HOXB3: variants seen among roughly 807,000 people sequenced by gnomAD.
The protein encoded by HOXB3 is homeobox protein Hox-B3.
HOXB3 carries 17 observed loss-of-function variants against 29.2 expected under a neutral mutation model. The observed-to-expected ratio is 0.58, with a 90% CI of 0.40 to 0.87. HOXB3 has a LOEUF of 0.87. HOXB3 is among the 40% of genes least tolerant of loss of function. The probability of loss-of-function intolerance (pLI) is 0.00; values close to 1 mark genes in which losing one functional copy is unlikely to be tolerated. For synonymous variants in HOXB3, 317 were observed against 285.9 expected (o/e 1.11, Z -1.10); for missense variants, 637 against 616.3 (o/e 1.03, Z -0.35).
At chr17:48,551,939 G>C in intron 4 of HOXB3, 88 bp downstream of exon 4, 1 of 1,283,548 alleles carries the variant, frequency 7.8e-7, no homozygotes, top group Non-Finnish European at 1.1e-6. Context: ...AGGCAGCCTC[G>C]CGGGCGCCTA....
intron 2 of HOXB3, among the ~76,000 whole-genome samples, chr17:48,561,479 C>T (rs2069196448): frequency 6.6e-6 from 1 of 152,258 alleles, no homozygotes; most frequent in Non-Finnish European, 1.5e-5. Context: ...TAAGCATCCA[C>T]TGCTCTGGGT....
chr17:48,551,299 G>A lies in HOXB3; in HGVS notation c.449-118C>T, dbSNP rs903649508. On this transcript the variant is annotated intron_variant, in intron 4 of 4. Transcript: ENST00000498678. ...ATCCAGGCCTGGACTCAGAGCCCCC[G>A]CCGCCCTCCCCTTCGGGTCCCCGCC... 6 of 1,187,154 alleles carry A rather than the reference G, an allele frequency of 5.1e-6. No individual in the cohort carries two copies. In the East Asian group the frequency reaches 1.9e-4, roughly 38 times the overall value. The allele number at this position is 1,187,154 out of a possible 1,614,324, so 73.5% of individuals were successfully genotyped here.
chr17:48,560,933 C>T (rs2069171665), intron 2 of HOXB3, among the ~76,000 whole-genome samples: 1 of 152,152 alleles, frequency 6.6e-6, no homozygotes, highest in African/African-American at 2.4e-5. Context: ...AAAAACCACA[C>T]TCTGTTGGGA....
chr17:48,578,266 A>T (rs1446915900), intron 1 of HOXB3: 1 of 1,613,938 alleles, frequency 6.2e-7, no homozygotes, highest in Middle Eastern at 1.6e-4. Flanking sequence ...CCTCGCATGG[A>T]GGGAACTTGG....
At chr17:48,578,055 G>C in intron 1 of HOXB3, 1 of 921,732 alleles carries the variant, frequency 1.1e-6, no homozygotes, top group Non-Finnish European at 1.4e-6. Context: ...CGAGGGGACA[G>C]ACCGGGCGGT....
rs971446708 is a variant in HOXB3 at position 48,554,517 on chromosome 17, G to T, written c.-159+1014C>A. ...GGAAAGAATGGAGACTCCGCCGGTG[G>T]TGCAGACAGGGCTGGGAAGGTTTGT... On this transcript the variant is annotated intron_variant, in intron 3 of 4. Coordinates refer to ENST00000498678, the MANE Select transcript of HOXB3 (RefSeq NM_001384749.1). This position sits in a 1 kb window ranked among gnomAD's most constrained non-coding sequence, Gnocchi z 4.1. 6.2e-6 allele frequency: 4 copies of T among 649,796 alleles called. No homozygotes were observed. Among genetic ancestry groups the T allele is most frequent in the Middle Eastern group, 4.0e-4 (1 of 2,510 alleles). The allele number at this position is 649,796 out of a possible 1,614,324, so 40.3% of individuals were successfully genotyped here. A position where few individuals can be genotyped will look rare whatever the true frequency, so the allele number is the denominator to read the frequency against.
chr17:48,584,490 C>T (rs1458534812), intron 1 of HOXB3, among the ~76,000 whole-genome samples: 1 of 152,174 alleles, frequency 6.6e-6, no homozygotes, highest in African/African-American at 2.4e-5. Flanking sequence ...AGTAGTTTGA[C>T]CCCTTTAGGG....
intron 2 of HOXB3, among the ~76,000 whole-genome samples, chr17:48,571,220 C>T (rs2069574975): frequency 6.6e-6 from 1 of 152,206 alleles, no homozygotes; most frequent in Non-Finnish European, 1.5e-5. Context: ...AATCTGAACG[C>T]GCCAGTTTTA....
chr17:48,588,409 G>T (rs2070085733), intron 1 of HOXB3, among the ~76,000 whole-genome samples: 1 of 152,214 alleles, frequency 6.6e-6, no homozygotes, highest in Non-Finnish European at 1.5e-5. Flanking sequence ...AGGGGGCAAA[G>T]AAACAATTTT....
chr17:48,555,589 G>A lies in HOXB3; in HGVS notation c.-217C>T. 4.3e-6 allele frequency: 3 copies of A among 702,766 alleles called. No individual in the cohort carries two copies. In the Admixed American group the frequency reaches 6.0e-5, roughly 14 times the overall value. 43.5% of individuals were successfully genotyped at this position (702,766 alleles called of 1,614,324 possible). A position where few individuals can be genotyped will look rare whatever the true frequency, so the allele number is the denominator to read the frequency against. ...TAATATATATTCACATCGAGCCCCA[G>A]AGCGAGCGGCAGGCGACAAATCTCC... is the stretch of plus-strand genomic sequence containing the variant. On this transcript the variant is annotated 5_prime_UTR_variant, in exon 3 of 5. Coordinates refer to ENST00000498678, the MANE Select transcript of HOXB3 (RefSeq NM_001384749.1).
chr17:48,571,741 A>AG (rs1597843729), intron 2 of HOXB3, among the ~76,000 whole-genome samples: 1 of 152,324 alleles, frequency 6.6e-6, no homozygotes, highest in East Asian at 1.9e-4. Context: ...TTTTTAGTCC[A>AG]GGAGCAGCCT....
chr17:48,576,645 T>TGCCCCCCCCCCCCCCC, intron 1 of HOXB3: 2 of 559,070 alleles, frequency 3.6e-6, no homozygotes, highest in African/African-American at 2.4e-5. Context: ...CAGGGCCCCC[T>TGCCCCCCCCCCCCCCC]CCTGTCCCCC....
Position 48,552,093 on chromosome 17 carries a change from G to A in HOXB3, c.382C>T (p.Gln128Ter). 6.2e-7 allele frequency: 1 copy of A among 1,612,028 alleles called. No individual in the cohort carries two copies. The highest frequency in any genetic ancestry group is 8.5e-7 in the Non-Finnish European group (1 of 1,178,562). ...GPGTNSTLTK[Q>*]IFPWMKESRQ... ...GACTCTTTCATCCAGGGGAATATCT[G>A]TTTGGTGAGGGTGGAGTTGGTGCCG... is the stretch of plus-strand genomic sequence containing the variant. The change falls in exon 4 of 5, where the codon CAG (glutamine) becomes TAG (stop). Residue 128 changes from glutamine to a stop codon, truncating the protein, a stop_gained. Coordinates refer to ENST00000498678, the MANE Select transcript of HOXB3 (RefSeq NM_001384749.1). LOFTEE classifies it high-confidence loss of function.
At chr17:48,577,775 G>T in intron 1 of HOXB3, 13 of 1,200,650 alleles carry the variant, frequency 1.1e-5, no homozygotes, top group Non-Finnish European at 1.4e-5. Context: ...GGCTTCCCCA[G>T]CTCAACCCCC....
At position 48,552,282 on chromosome 17, in the gene HOXB3, T is replaced by C. The variant is rs2068785167; in HGVS notation, c.193A>G (p.Lys65Glu). The C allele has an allele frequency of 6.2e-7, 1 of 1,613,924 alleles. No individual in the cohort carries two copies. Among genetic ancestry groups the C allele is most frequent in the South Asian group, 1.1e-5 (1 of 91,080 alleles). The change falls in exon 4 of 5, where the codon AAG becomes GAG. Residue 65 changes from lysine (K) to glutamate (E), a missense_variant. Lys to Glu is a moderately conservative substitution (Grantham distance 56). Coordinates refer to ENST00000498678, the MANE Select transcript of HOXB3 (RefSeq NM_001384749.1). ...CAGCTGCCGTTGAGCTCCTTGCTCT[T>C]GGCATGTGGGGCAGCGTTGCCCAGG... ...QSLGNAAPHA[K>E]SKELNGSCMR...
At chr17:48,578,143 C>T (rs1036890749) in intron 1 of HOXB3, 3 of 1,568,878 alleles carry the variant, frequency 1.9e-6, no homozygotes, top group Non-Finnish European at 2.6e-6. Context: ...GCACGGTGCA[C>T]GCCGCGCGCC....
At chr17:48,569,471 G>T (rs1183289036) in intron 2 of HOXB3, among the ~76,000 whole-genome samples, 1 of 149,396 alleles carries the variant, frequency 6.7e-6, no homozygotes, top group Non-Finnish European at 1.5e-5. Context: ...GTTCGTGGAG[G>T]TGCAGAAATA....
chr17:48,578,863 T>C (rs1395961859), intron 1 of HOXB3: 1 of 152,928 alleles, frequency 6.5e-6, no homozygotes, highest in Non-Finnish European at 1.5e-5. Flanking sequence ...ACTGGCGGGT[T>C]GGGGGCTCCG....
chr17:48,581,107 AC>A (rs1567965422), intron 1 of HOXB3: 1 of 152,158 alleles, frequency 6.6e-6, no homozygotes, highest in Admixed American at 6.5e-5. Context: ...CAACACAAAA[AC>A]AACCCTCTAA....
Sources: gnomAD v4.1 joint callset for allele counts (sites outside exome capture counted in the v4.1 genomes callset) on GRCh38, gnomAD v4.1.1 for gene constraint, Gnocchi (gnomAD v3.1) non-coding constraint, MANE v1.5 for transcripts, NCBI Gene and HGNC (gene_info 2026-07-23, HGNC 2026-07-21) for gene names.